The following CDHR4 variants were observed in gnomAD, a reference collection of about 807,000 sequenced individuals.
CDHR4 encodes the protein cadherin related family member 4.
Under a neutral mutation model 88.4 loss-of-function variants are expected in CDHR4, and 89 were observed. The observed-to-expected ratio is 1.01, with a 90% CI of 0.85 to 1.20. The LOEUF is 1.20. CDHR4 is among the 50% of genes most tolerant of loss of function. CDHR4 has a pLI of 0.00. For synonymous variants in CDHR4, 368 were observed against 399.2 expected, an observed-to-expected ratio of 0.92 and a Z score of 0.93; for missense variants, 914 against 1,007.2, an observed-to-expected ratio of 0.91 and a Z score of 1.25.
At chr3:49,799,217 C>A in intron 2 of CDHR4, 30 bp downstream of exon 2, 1 of 1,610,410 alleles carries the variant, frequency 6.2e-7, no homozygotes, top group East Asian at 2.2e-5. Flanking sequence ...CTTGTGCCCC[C>A]ACAGTCCCCA....
rs2081254159 is a variant in CDHR4 at position 49,795,325 on chromosome 3, G to A, written c.902C>T (p.Thr301Ile). 6.4e-7 allele frequency: 1 copy of A among 1,551,560 alleles called. No homozygotes were observed. Among genetic ancestry groups the A allele is most frequent in the Non-Finnish European group, 8.7e-7 (1 of 1,146,974 alleles). The change falls in exon 8 of 19, where the codon ACC (threonine) becomes ATC (isoleucine). Residue 301 changes from threonine (T) to isoleucine (I), a missense_variant. By Grantham distance (89) the Thr-to-Ile change is moderately conservative. Coordinates refer to ENST00000412678, the MANE Select transcript of CDHR4 (RefSeq NM_001007540.4). This position sits in a 1 kb window ranked among gnomAD's most constrained non-coding sequence, Gnocchi z 5.4. ...CTTCACCTGCAGCCTGGAGACCGCG[G>A]TGCCTGAGGTGCGAGCTAACTCTAG... is the stretch of plus-strand genomic sequence containing the variant. ...TPLELARTSG[T>I]AVSRLQVKAF...
Position 49,799,416 on chromosome 3 carries a change from A to C in CDHR4, c.71T>G (p.Phe24Cys), listed in dbSNP as rs1163850610. The C allele has an allele frequency of 6.2e-7, 1 of 1,603,840 alleles. No individual in the cohort carries two copies. Among genetic ancestry groups the C allele is most frequent in the Non-Finnish European group, 8.5e-7 (1 of 1,175,454 alleles). Residue 24 changes from phenylalanine to cysteine, a missense_variant, in exon 2 of 19, where the codon TTT becomes TGT. Transcript: ENST00000412678. ...GCCCTGGCTCTCAGAGACATTTATA[A>C]AGCAGGGCAGGCTGCAGAGGTCTGT... ...VVSDLCSLPC[F>C]INVSESQGPG...
chr3:49,793,670 C>G lies in CDHR4; in HGVS notation c.1536G>C (p.Arg512Ser). The change falls in exon 12 of 19, where the codon AGG (arginine) becomes AGC (serine). Residue 512 changes from arginine (R) to serine (S), a missense_variant. Arg to Ser is a moderately radical substitution (Grantham distance 110). Coordinates refer to ENST00000412678, the MANE Select transcript of CDHR4 (RefSeq NM_001007540.4). ...PLDYEQQRLY[R>S]LTVLVIDHGQ... ...CATGGTCAATCACAAGGACAGTGAG[C>G]CTGTACAGCCTCTGCTGCTCATAGT... 4 of 1,551,768 alleles carry G rather than the reference C, an allele frequency of 2.6e-6. No homozygotes were observed. Among genetic ancestry groups the G allele is most frequent in the Non-Finnish European group, 3.5e-6 (4 of 1,146,994 alleles).
At chr3:49,797,909 T>G (rs1221735459) in intron 4 of CDHR4, among the ~76,000 whole-genome samples, 2 of 87,272 alleles carry the variant, frequency 2.3e-5, no homozygotes, top group Non-Finnish European at 4.7e-5. Flanking sequence ...TTTTAAATAC[T>G]TTTTTTTTTT....
rs375152797 is a variant in CDHR4 at position 49,792,584 on chromosome 3, G to A, written c.2022C>T (p.Leu674=). The change falls in exon 15 of 19, where the codon CTC becomes CTT. Residue 674 remains leucine, a synonymous_variant. Coordinates refer to ENST00000412678, the MANE Select transcript of CDHR4 (RefSeq NM_001007540.4). ...GCCAGAAAGCCTCTGTGTCTGTCAC[G>A]AGCATGGGTGTCATCGTTGAGGGCA... The part of the protein sequence containing the change: ...TTVPSTMTPM[L]VTDTEAFWQP... The A allele has an allele frequency of 9.2e-5, 143 of 1,551,554 alleles. 1 individual carries two copies. In the Middle Eastern group the frequency reaches 1.2e-3, roughly 13 times the overall value.
At chr3:49,799,459 G>A in intron 1 of CDHR4, 22 bp from the exon 2 acceptor site, 3 of 1,571,532 alleles carry the variant, frequency 1.9e-6, no homozygotes, top group Non-Finnish European at 2.6e-6. Context: ...AGAGAATTCA[G>A]GCTGGAGGCC....
intron 5 of CDHR4, 76 bp downstream of exon 5, chr3:49,796,846 C>CAA: frequency 8.2e-7 from 1 of 1,213,672 alleles, no homozygotes; most frequent in Non-Finnish European, 1.2e-6. Flanking sequence ...CCAAGGAGGC[C>CAA]AAGAATAAAC....
rs1322049679 is a variant in CDHR4 at position 49,798,837 on chromosome 3, G to A, written c.484C>T (p.His162Tyr). The change falls in exon 4 of 19, where the codon CAC becomes TAC. Residue 162 changes from histidine to tyrosine, a missense_variant. Coordinates refer to ENST00000412678, the MANE Select transcript of CDHR4 (RefSeq NM_001007540.4). ...TGTTCTGGGCTTACCTGCGCTCCGT[G>A]GAGTTCTAGGCCTGGGAGGAGCAGA... ...YTLLLPGLEL[H>Y]GAQMSIISAQ... The A allele has an allele frequency of 6.2e-7, 1 of 1,613,802 alleles. No individual in the cohort carries two copies. The highest frequency in any genetic ancestry group is 8.5e-7 in the Non-Finnish European group (1 of 1,179,822).
rs1388588649 is a variant in CDHR4, at chr3:49,795,088, C to T, written c.1044G>A (p.Pro348=). The part of the protein sequence containing the change: ...CLPALLVSQI[P]ETAPVGTVLN... ...GCACGGTGCCCACGGGTGCAGTCTC[C>T]GGGATTTGGGACCTGAGAGTATGCA... The change falls in exon 9 of 19, where the codon CCG becomes CCA. Residue 348 remains proline, a synonymous_variant. Coordinates refer to ENST00000412678, the MANE Select transcript of CDHR4 (RefSeq NM_001007540.4). The surrounding 1 kb of genome is among the most constrained non-coding windows in gnomAD (Gnocchi z 5.4). 35 of 1,551,542 alleles carry T rather than the reference C, an allele frequency of 2.3e-5. No individual in the cohort carries two copies. The highest frequency in any genetic ancestry group is 3.6e-5 in the South Asian group (3 of 84,068).
At position 49,791,482 on chromosome 3, in the gene CDHR4, A is replaced by G. The variant is rs1262977768; in HGVS notation, c.2284-14T>C. 1 of 1,543,086 alleles carries G rather than the reference A, an allele frequency of 6.5e-7. No individual in the cohort carries two copies. The highest frequency in any genetic ancestry group is 1.4e-5 in the African/African-American group (1 of 72,442). ...GCCATCAAAATGCTGCTGAGGGAAA[A>G]AAAAAAAAGATGCAATGAATTGAAC... On this transcript the variant is annotated splice_polypyrimidine_tract_variant and intron_variant, in intron 17 of 18. Coordinates refer to ENST00000412678, the MANE Select transcript of CDHR4 (RefSeq NM_001007540.4).
chr3:49,799,694 T>C, intron 1 of CDHR4, 70 bp downstream of exon 1: 1 of 1,533,080 alleles, frequency 6.5e-7, no homozygotes, highest in Non-Finnish European at 9.0e-7. Context: ...CTGTCCTCCA[T>C]GGTAGCTTAT....
At chr3:49,799,666 C>A in intron 1 of CDHR4, 98 bp downstream of exon 1, 1 of 1,362,142 alleles carries the variant, frequency 7.3e-7, no homozygotes, top group Non-Finnish European at 1.0e-6. Flanking sequence ...TTACACTTTC[C>A]TACCTCTCCC....
In CDHR4 at chr3:49,792,951, C is replaced by A; in HGVS notation, c.1898G>T (p.Gly633Val). 1.3e-6 allele frequency: 2 copies of A among 1,551,666 alleles called. No homozygotes were observed. Among genetic ancestry groups the A allele is most frequent in the Non-Finnish European group, 1.7e-6 (2 of 1,146,980 alleles). The change falls in exon 14 of 19, where the codon GGC (glycine) becomes GTC (valine). Residue 633 changes from glycine (G) to valine (V), a missense_variant. By Grantham distance (109) the Gly-to-Val change is moderately radical. Transcript: ENST00000412678. ...YELLICVADA[G>V]PSTPHLSTTA... is the part of the protein sequence containing the mutation. The stretch of plus-strand genomic sequence containing the variant: ...GGTGCTGAGGTGGGGGGTGGAGGGG[C>A]CTGCATCGGCCACACAGATCAGTAG...
At chr3:49,794,880 C>G (rs1424509957) in intron 9 of CDHR4, 67 bp downstream of exon 9, 1 of 1,542,768 alleles carries the variant, frequency 6.5e-7, no homozygotes, top group African/African-American at 1.4e-5. Flanking sequence ...CTCAGAGACC[C>G]TTGGCCCACC....
At chr3:49,799,224 C>T (rs1289637201) in intron 2 of CDHR4, 23 bp downstream of exon 2, 3 of 1,611,808 alleles carry the variant, frequency 1.9e-6, no homozygotes, top group African/African-American at 2.7e-5. Context: ...CCCCACAGTC[C>T]CCAGCTGTAC....
upstream of CDHR4, among the ~76,000 whole-genome samples, chr3:49,802,214 C>G (rs957183557): frequency 2.6e-5 from 4 of 151,864 alleles, no homozygotes; most frequent in Admixed American, 2.6e-4. Flanking sequence ...CACTCTGTCG[C>G]CCAGGCTGGA....
chr3:49,799,307 T>G lies in CDHR4; in HGVS notation c.180A>C (p.Pro60=). Reference sequence around the variant, plus strand: ...TGGGTGGGTTGAAGAAGGTGGTGGGTGGCTGGACATTGAGCAACTCCAGGG... The same window carrying G: ...TGGGTGGGTTGAAGAAGGTGGTGGGGGGCTGGACATTGAGCAACTCCAGGG... ...TPTLELLNVQ[P]PTTFFNPPSL... The change falls in exon 2 of 19, where the codon CCA becomes CCC. Residue 60 remains proline (P), a synonymous_variant. Transcript: ENST00000412678. 1 of 1,613,826 alleles carries G rather than the reference T, an allele frequency of 6.2e-7. No homozygotes were observed. Among genetic ancestry groups the G allele is most frequent in the East Asian group, 2.2e-5 (1 of 44,872 alleles).
Position 49,792,432 on chromosome 3 carries a change from G to A in CDHR4, c.2138+36C>T, listed in dbSNP as rs1054585443. On this transcript the variant is annotated intron_variant, in intron 15 of 18. Coordinates refer to ENST00000412678, the MANE Select transcript of CDHR4 (RefSeq NM_001007540.4). ...CACAACTGGGGTCCATAGGTGGGTT[G>A]GGGGCAAGTAGGGAGCACAAGGATA... 13 of 1,549,462 alleles carry A rather than the reference G, an allele frequency of 8.4e-6. No homozygotes were observed. The African/African-American group carries it at 9.6e-5, about 11-fold the overall frequency.
rs932405794 is a variant in CDHR4 at position 49,795,685 on chromosome 3, C to T, written c.790G>A (p.Asp264Asn). ...EVVQVQARGV[D>N]LRYEILSPVP... ...GGAGACAGGATTTCATAGCGCAGGTCGACACCCCGGGCCTGGACCTGAACC... is the reference window on the plus strand; with the variant it reads ...GGAGACAGGATTTCATAGCGCAGGTTGACACCCCGGGCCTGGACCTGAACC... Residue 264 changes from aspartate (D) to asparagine (N), a missense_variant, in exon 7 of 19, where the codon GAC becomes AAC. By Grantham distance (23) the Asp-to-Asn change is conservative. Coordinates refer to ENST00000412678, the MANE Select transcript of CDHR4 (RefSeq NM_001007540.4). This position sits in a 1 kb window ranked among gnomAD's most constrained non-coding sequence, Gnocchi z 5.4. 2.8e-5 allele frequency: 43 copies of T among 1,551,498 alleles called. No homozygotes were observed. In the Admixed American group the frequency reaches 5.3e-4, roughly 19 times the overall value.
Sources: gnomAD v4.1 joint callset for allele counts (sites outside exome capture counted in the v4.1 genomes callset) on GRCh38, gnomAD v4.1.1 for gene constraint, Gnocchi (gnomAD v3.1) non-coding constraint, MANE v1.5 for transcripts, NCBI Gene and HGNC (gene_info 2026-07-23, HGNC 2026-07-21) for gene names.